SNX8: variants seen among roughly 807,000 people sequenced by gnomAD.
SNX8 encodes the protein sorting nexin-8.
SNX8 carries 25 observed loss-of-function variants against 51.6 expected under a neutral mutation model. The ratio of observed to expected loss-of-function variants is 0.48; its 90% CI spans 0.35 to 0.68. The LOEUF (loss-of-function observed/expected upper bound fraction) is 0.68. SNX8 is among the 30% of genes least tolerant of loss of function. The pLI, the probability that SNX8 is intolerant of heterozygous loss-of-function variation, is 0.00. For synonymous variants in SNX8, 324 were observed against 277.0 expected (o/e 1.17, Z -1.68); for missense variants, 695 against 624.0 (o/e 1.11, Z -1.21).
intron 1 of SNX8, among the ~76,000 whole-genome samples, chr7:2,328,943 G>A (rs546266612): frequency 1.9e-4 from 29 of 151,998 alleles, no homozygotes; most frequent in Non-Finnish European, 2.5e-4. Flanking sequence ...AAAGTTAGCC[G>A]GGCGTGTTGG....
chr7:2,338,613 G>A (rs1226815460), intron 1 of SNX8, among the ~76,000 whole-genome samples: 6 of 152,132 alleles, frequency 3.9e-5, no homozygotes, highest in Non-Finnish European at 5.9e-5. Context: ...CAGCCTGGGC[G>A]ACAGAGCAAG....
chr7:2,271,285 T>A (rs576323281), intron 4 of SNX8, among the ~76,000 whole-genome samples: 2 of 152,350 alleles, frequency 1.3e-5, no homozygotes, highest in Non-Finnish European at 2.9e-5. Flanking sequence ...TAAGGGACCA[T>A]CCAGCCTCGG....
At chr7:2,335,719 C>T (rs1325576903) in intron 1 of SNX8, among the ~76,000 whole-genome samples, 1 of 137,676 alleles carries the variant, frequency 7.3e-6, no homozygotes, top group Non-Finnish European at 1.5e-5. Context: ...AGGCGAATGG[C>T]GTGAACCTGG....
At chr7:2,273,271 G>A (rs1005258559) in intron 3 of SNX8, among the ~76,000 whole-genome samples, 18 of 151,506 alleles carry the variant, frequency 1.2e-4, no homozygotes, top group South Asian at 4.2e-4. Flanking sequence ...CCAGCGTAGC[G>A]AAACCCTGTC....
intron 1 of SNX8, among the ~76,000 whole-genome samples, chr7:2,349,530 C>T (rs891978579): frequency 1.4e-5 from 2 of 146,542 alleles, no homozygotes; most frequent in South Asian, 2.2e-4. Context: ...AATCTCTACC[C>T]CCACCCCATG....
chr7:2,344,473 G>A (rs376163414), intron 1 of SNX8, among the ~76,000 whole-genome samples: 4 of 151,700 alleles, frequency 2.6e-5, no homozygotes, highest in East Asian at 1.9e-4. Context: ...TTAGCCGGGC[G>A]TGGTGGTGGG....
Position 2,256,951 on chromosome 7 carries a change from G to C in SNX8, c.1207C>G (p.Leu403Val). Residue 403 changes from leucine (L) to valine (V), a missense_variant, in exon 10 of 11, where the codon CTC becomes GTC. Leu to Val is a conservative substitution (Grantham distance 32). Coordinates refer to ENST00000222990, the MANE Select transcript of SNX8 (RefSeq NM_013321.4). ...GTGAGGGGCAGGTAGACGTGGATGA[G>C]CTGCGTCTCCTGGTGCAGGCAGTAC... ...SLYCLHQETQ[L>V]IHVYLPLTSH... 6.2e-7 allele frequency: 1 copy of C among 1,613,642 alleles called. No individual in the cohort carries two copies. The highest frequency in any genetic ancestry group is 2.2e-5 in the East Asian group (1 of 44,874).
upstream of SNX8, chr7:2,354,414 CT>C (rs1779266686): frequency 6.6e-6 from 1 of 152,250 alleles, no homozygotes; most frequent in Non-Finnish European, 1.5e-5. Flanking sequence ...CTCAGACGCC[CT>C]GAGCAATCGC....
intron 1 of SNX8, among the ~76,000 whole-genome samples, chr7:2,311,070 A>C (rs1204846758): frequency 6.6e-6 from 1 of 152,200 alleles, no homozygotes; most frequent in Non-Finnish European, 1.5e-5. Flanking sequence ...AGTTTTTATA[A>C]AGAGGGTTGC....
At chr7:2,282,153 C>A (rs1327064985) in intron 1 of SNX8, among the ~76,000 whole-genome samples, 1 of 152,210 alleles carries the variant, frequency 6.6e-6, no homozygotes, top group African/African-American at 2.4e-5. Context: ...GTGTCCCTGA[C>A]TTCCTTCCAG....
intron 1 of SNX8, among the ~76,000 whole-genome samples, chr7:2,352,203 T>C (rs1779158336): frequency 6.6e-6 from 1 of 151,878 alleles, no homozygotes; most frequent in Non-Finnish European, 1.5e-5. Flanking sequence ...TGAGCCACCA[T>C]GCCCGGCCAT....
intron 3 of SNX8, 95 bp downstream of exon 3, chr7:2,275,017 G>A (rs878534): frequency 0.37 from 310,061 of 848,128 alleles, 60,652 homozygotes; most frequent in East Asian, 0.56. Context: ...CACCTGCCCC[G>A]GTCTACAGTG....
intron 5 of SNX8, among the ~76,000 whole-genome samples, chr7:2,268,556 T>C (rs1795549695): frequency 7.7e-6 from 1 of 130,616 alleles, no homozygotes; most frequent in Admixed American, 7.7e-5. Context: ...GGTGGGGGGG[T>C]CAGCCCCCCG....
chr7:2,331,966 G>A (rs1230638694), intron 1 of SNX8, among the ~76,000 whole-genome samples: 1 of 152,014 alleles, frequency 6.6e-6, no homozygotes, highest in African/African-American at 2.4e-5. Flanking sequence ...AGCACTTTGA[G>A]AAGGAAGGCA....
At chr7:2,304,493 G>A (rs1796502225) in intron 1 of SNX8, among the ~76,000 whole-genome samples, 1 of 151,846 alleles carries the variant, frequency 6.6e-6, no homozygotes, top group African/African-American at 2.4e-5. Flanking sequence ...GCAGCGAGCG[G>A]AGATTGCCCC....
At chr7:2,345,948 T>C (rs865875126) in intron 1 of SNX8, among the ~76,000 whole-genome samples, 79 of 151,846 alleles carry the variant, frequency 5.2e-4, no homozygotes, top group Middle Eastern at 6.8e-3. Flanking sequence ...GCTGGGATTA[T>C]AGGCACCCAC....
At chr7:2,315,701 TTCAG>T (rs1198533950), upstream of SNX8, among the ~76,000 whole-genome samples, 79 of 116,484 alleles carry the variant, frequency 6.8e-4, 1 homozygote, top group African/African-American at 1.9e-3. Flanking sequence ...TCTGCATTCA[TTCAG>T]TCACTCACTC....
intron 1 of SNX8, among the ~76,000 whole-genome samples, chr7:2,351,141 C>T (rs1357145341): frequency 1.3e-5 from 2 of 151,648 alleles, no homozygotes; most frequent in Non-Finnish European, 2.9e-5. Context: ...AAAAAATCTA[C>T]CCCTGGAAGC....
chr7:2,332,706 G>T (rs1266858024), intron 1 of SNX8, among the ~76,000 whole-genome samples: 3 of 149,936 alleles, frequency 2.0e-5, no homozygotes, highest in African/African-American at 7.4e-5. Context: ...GCTATAATGG[G>T]ACCACTGTAC....
Sources: allele counts gnomAD v4.1 joint callset (sites outside exome capture counted in the v4.1 genomes callset), GRCh38; gene constraint gnomAD v4.1.1; transcripts MANE v1.5; gene names NCBI Gene and HGNC (gene_info 2026-07-23, HGNC 2026-07-21).